ADAMTSL1: variants seen among roughly 807,000 people sequenced by gnomAD.
ADAMTSL1 encodes the protein ADAMTS-like protein 1.
Under a neutral mutation model 201.8 loss-of-function variants are expected in ADAMTSL1, and 126 were observed. The observed-to-expected ratio is 0.62, with a 90% CI of 0.54 to 0.72. The LOEUF (loss-of-function observed/expected upper bound fraction) is 0.72. ADAMTSL1 is among the 30% of genes least tolerant of loss of function. ADAMTSL1 has a pLI of 0.00. For synonymous variants in ADAMTSL1, 1,121 were observed against 903.4 expected (o/e 1.24, Z -4.32); for missense variants, 2,679 against 2,277.8 (o/e 1.18, Z -3.59).
intron 7 of ADAMTSL1, among the ~76,000 whole-genome samples, chr9:18,650,272 C>T (rs973396534): frequency 3.3e-5 from 5 of 152,172 alleles, no homozygotes; most frequent in South Asian, 2.1e-4. Flanking sequence ...GGGAGTGACC[C>T]GATTTTCCAG....
At chr9:18,626,902 T>C (rs13283382) in intron 5 of ADAMTSL1, among the ~76,000 whole-genome samples, 37 of 146,372 alleles carry the variant, frequency 2.5e-4, no homozygotes, top group African/African-American at 4.0e-4. Context: ...TTCCTTCCTT[T>C]CTTTCTTTTC....
intron 1 of ADAMTSL1, among the ~76,000 whole-genome samples, chr9:18,042,959 A>G (rs2131639272): frequency 6.6e-6 from 1 of 152,314 alleles, no homozygotes. Flanking sequence ...CTTCATGATA[A>G]GAAGTAATTG....
At chr9:18,261,321 G>A (rs2891124) in intron 2 of ADAMTSL1, among the ~76,000 whole-genome samples, 38,308 of 151,980 alleles carry the variant, frequency 0.25, 6,002 homozygotes, top group South Asian at 0.39. Context: ...ACAGGGATCC[G>A]TTTGCACAGC....
intron 2 of ADAMTSL1, among the ~76,000 whole-genome samples, chr9:18,452,637 G>A (rs957822310): frequency 6.6e-6 from 1 of 152,214 alleles, no homozygotes; most frequent in Non-Finnish European, 1.5e-5. Context: ...ATGGTGGACA[G>A]GCATAAGATA....
intron 2 of ADAMTSL1, among the ~76,000 whole-genome samples, chr9:18,240,148 G>A (rs1831007098): frequency 6.6e-6 from 1 of 152,102 alleles, no homozygotes; most frequent in Non-Finnish European, 1.5e-5. Flanking sequence ...TATAATCTAT[G>A]GCAGTTTTAG....
chr9:18,622,591 T>C (rs1051351497), intron 5 of ADAMTSL1: 26 of 627,050 alleles, frequency 4.1e-5, no homozygotes, highest in Non-Finnish European at 7.2e-5. Context: ...CTGAGGCACA[T>C]CAGGAGTGAA....
At chr9:18,841,972 T>A (rs1164300372) in intron 23 of ADAMTSL1, among the ~76,000 whole-genome samples, 2 of 151,924 alleles carry the variant, frequency 1.3e-5, no homozygotes, top group Non-Finnish European at 2.9e-5. Context: ...ATTTTGTTGA[T>A]CCTTTCAAAA....
At chr9:18,313,311 C>G (rs1023635436) in intron 2 of ADAMTSL1, among the ~76,000 whole-genome samples, 1 of 152,106 alleles carries the variant, frequency 6.6e-6, no homozygotes, top group African/African-American at 2.4e-5. Context: ...CCTTAGGTAC[C>G]GATATTTTTT....
intron 1 of ADAMTSL1, among the ~76,000 whole-genome samples, chr9:18,009,945 A>T (rs1305345814): frequency 6.6e-6 from 1 of 152,032 alleles, no homozygotes; most frequent in Non-Finnish European, 1.5e-5. Context: ...GACAGATACT[A>T]TAAACATTTC....
Position 18,081,512 on chromosome 9 carries a change from A to G in ADAMTSL1, c.88-82350A>G, listed in dbSNP as rs1266169634. 2.0e-5 allele frequency among the ~76,000 whole-genome samples: 3 copies of G among 152,176 alleles called. No homozygotes were observed. In the East Asian group the frequency reaches 5.8e-4, roughly 29 times the overall value. ...ATTAAACATTTAACAAGTCTTCATG[A>G]AAATTGTATGCAGGTGGATCAGGGC... On this transcript the variant is annotated intron_variant, in intron 1 of 29. Coordinates refer to the ADAMTSL1 transcript ENST00000680146.
rs183566785 is a variant in ADAMTSL1 at position 18,563,194 on chromosome 9, G to T, written c.238-10836G>T. 2.6e-4 allele frequency among the ~76,000 whole-genome samples: 39 copies of T among 152,206 alleles called. No individual in the cohort carries two copies. The East Asian group carries it at 5.8e-3, about 23-fold the overall frequency. On this transcript the variant is annotated intron_variant, in intron 3 of 28. Transcript: ENST00000380548. ...TGATTTTGGTGACTGAATGGGTTTTGTTGTGGACATCCTTTTTGTTGATGT... is the reference window on the plus strand; with the variant it reads ...TGATTTTGGTGACTGAATGGGTTTTTTTGTGGACATCCTTTTTGTTGATGT...
chr9:18,671,460 T>G (rs1829805527), intron 9 of ADAMTSL1, among the ~76,000 whole-genome samples: 1 of 152,152 alleles, frequency 6.6e-6, no homozygotes, highest in Admixed American at 6.5e-5. Context: ...TGGCAAACAT[T>G]GCTGGTGTCG....
At chr9:18,018,161 G>C (rs1231948347) in intron 1 of ADAMTSL1, among the ~76,000 whole-genome samples, 1 of 152,054 alleles carries the variant, frequency 6.6e-6, no homozygotes, top group Non-Finnish European at 1.5e-5. Context: ...TTACTAACTA[G>C]CTATTTACAG....
chr9:18,821,257 G>T (rs771807584), intron 21 of ADAMTSL1, among the ~76,000 whole-genome samples: 10 of 152,088 alleles, frequency 6.6e-5, no homozygotes, highest in Non-Finnish European at 1.5e-4. Flanking sequence ...GTTTATTTTT[G>T]CTTATCTAAG....
chr9:18,666,374 A>G (rs1829432372), intron 9 of ADAMTSL1, among the ~76,000 whole-genome samples: 1 of 152,192 alleles, frequency 6.6e-6, no homozygotes, highest in African/African-American at 2.4e-5. Context: ...TTTTCATTAG[A>G]GACTCAGAGC....
chr9:18,303,930 C>T (rs1450128508), intron 2 of ADAMTSL1, among the ~76,000 whole-genome samples: 6 of 152,100 alleles, frequency 3.9e-5, no homozygotes, highest in African/African-American at 2.4e-5. Flanking sequence ...CTCTGTGAGG[C>T]CTTTTTGGGT....
At chr9:17,975,452 G>A (rs1283453977) in intron 1 of ADAMTSL1, among the ~76,000 whole-genome samples, 1 of 151,974 alleles carries the variant, frequency 6.6e-6, no homozygotes, top group African/African-American at 2.4e-5. Flanking sequence ...TCGCGTAGTA[G>A]CAAGGTAAAG....
At chr9:18,775,271 C>G (rs560618263) in intron 17 of ADAMTSL1, among the ~76,000 whole-genome samples, 2 of 152,248 alleles carry the variant, frequency 1.3e-5, no homozygotes, top group African/African-American at 2.4e-5. Flanking sequence ...TCATAACTAC[C>G]TAATGCTTGA....
intron 8 of ADAMTSL1, among the ~76,000 whole-genome samples, chr9:18,658,177 T>C (rs1328070450): frequency 2.6e-5 from 4 of 152,174 alleles, no homozygotes; most frequent in South Asian, 2.1e-4. Flanking sequence ...GGTTTCCCCG[T>C]GTTAGCCAGG....
Sources: gnomAD v4.1 joint callset for allele counts (sites outside exome capture counted in the v4.1 genomes callset) on GRCh38, gnomAD v4.1.1 for gene constraint, MANE v1.5 for transcripts, NCBI Gene and HGNC (gene_info 2026-07-23, HGNC 2026-07-21) for gene names.